Variants in RASSF3 observed in about 807,000 individuals in gnomAD.
The protein encoded by RASSF3 is Ras association domain family member 3.
RASSF3 carries 19 observed loss-of-function variants against 19.9 expected under a neutral mutation model. The ratio of observed to expected loss-of-function variants is 0.96; its 90% CI spans 0.67 to 1.40. The LOEUF (loss-of-function observed/expected upper bound fraction) is 1.40. RASSF3 is among the 40% of genes most tolerant of loss of function. The pLI is 0.00. For missense variants in RASSF3, 306 were observed against 289.8 expected (o/e 1.06, Z -0.41); for synonymous variants, 110 against 104.2 (o/e 1.06, Z -0.34).
downstream of RASSF3, among the ~76,000 whole-genome samples, chr12:64,546,060 C>T (rs979347728): frequency 2.9e-4 from 38 of 131,598 alleles, no homozygotes; most frequent in Middle Eastern, 4.0e-3. Context: ...TACGCCAATG[C>T]GCTCCAGCCT....
At chr12:64,631,770 A>T (rs1166714871) in intron 1 of RASSF3, among the ~76,000 whole-genome samples, 1 of 151,990 alleles carries the variant, frequency 6.6e-6, no homozygotes, top group Admixed American at 6.6e-5. Flanking sequence ...GAGTTTTGCC[A>T]TGTTGGCCAG....
In RASSF3 at chr12:64,610,726, C is replaced by T. The variant is rs1333168530; in HGVS notation, c.94C>T (p.Pro32Ser). Reference protein sequence around the residue: ...SFFRRAPQGKPRSGQQDVEKE... With the variant: ...SFFRRAPQGKSRSGQQDVEKE... ...CTTCAGGAGAGCGCCCCAGGGCAAGCCCCGCTCCGGCCAACAAGTGAGTGG... is the reference window on the plus strand; with the variant it reads ...CTTCAGGAGAGCGCCCCAGGGCAAGTCCCGCTCCGGCCAACAAGTGAGTGG... Residue 32 changes from proline to serine, a missense_variant, in exon 1 of 5, where the codon CCC becomes TCC. Physicochemically the swap from Pro to Ser is moderately conservative, Grantham distance 74. Transcript: ENST00000542104. The T allele has an allele frequency of 2.5e-6, 4 of 1,589,340 alleles. No individual in the cohort carries two copies. In the South Asian group the frequency reaches 3.4e-5, roughly 13 times the overall value.
intron 1 of RASSF3, among the ~76,000 whole-genome samples, chr12:64,516,589 A>C (rs923932768): frequency 2.7e-5 from 4 of 147,432 alleles, no homozygotes; most frequent in African/African-American, 7.6e-5. Context: ...ACTGCACTCC[A>C]GCCTGGGCGA....
At chr12:64,542,274 G>C (rs1259775838), downstream of RASSF3, among the ~76,000 whole-genome samples, 3 of 152,192 alleles carry the variant, frequency 2.0e-5, no homozygotes, top group Non-Finnish European at 2.9e-5. Context: ...GTTGCATTAA[G>C]CTGAGATTCT....
chr12:64,649,650 A>T (rs998643857), intron 1 of RASSF3, among the ~76,000 whole-genome samples: 1 of 152,222 alleles, frequency 6.6e-6, no homozygotes, highest in Non-Finnish European at 1.5e-5. Flanking sequence ...TGCCGTCTCG[A>T]TAGCCAAGTT....
intron 1 of RASSF3, among the ~76,000 whole-genome samples, chr12:64,670,501 G>A (rs1872665501): frequency 6.6e-6 from 1 of 150,652 alleles, no homozygotes; most frequent in Admixed American, 6.6e-5. Flanking sequence ...TCACCAATCA[G>A]GCAGAAACTA....
intron 2 of RASSF3, among the ~76,000 whole-genome samples, chr12:64,604,967 T>A (rs955875861): frequency 2.0e-5 from 3 of 151,000 alleles, no homozygotes; most frequent in Non-Finnish European, 4.4e-5. Flanking sequence ...CATATATTTT[T>A]TTTTTAATTT....
chr12:64,574,693 A>G (rs1030131171), intron 2 of RASSF3, among the ~76,000 whole-genome samples: 6 of 152,238 alleles, frequency 3.9e-5, no homozygotes, highest in African/African-American at 1.4e-4. Context: ...AAGATATGAA[A>G]TGCGTAGAAC....
chr12:64,672,001 G>A (rs1439271584), intron 1 of RASSF3, among the ~76,000 whole-genome samples: 1 of 152,148 alleles, frequency 6.6e-6, no homozygotes, highest in Admixed American at 6.5e-5. Flanking sequence ...ACATAAAATA[G>A]TTTAACCCCC....
At chr12:64,656,514 C>T (rs1331894143) in intron 1 of RASSF3, among the ~76,000 whole-genome samples, 5 of 152,184 alleles carry the variant, frequency 3.3e-5, no homozygotes. Context: ...TTGTGATTCT[C>T]TACCTTTTTC....
chr12:64,664,298 A>T (rs192594257), intron 1 of RASSF3, among the ~76,000 whole-genome samples: 110 of 152,282 alleles, frequency 7.2e-4, no homozygotes, highest in African/African-American at 2.5e-3. Flanking sequence ...AACAAAGCTT[A>T]AAAAAATGCT....
At chr12:64,685,794 G>A (rs181024921) in intron 2 of RASSF3, among the ~76,000 whole-genome samples, 28 of 152,306 alleles carry the variant, frequency 1.8e-4, no homozygotes, top group Admixed American at 1.6e-3. Context: ...AGCTGACAGC[G>A]GAGCTAGAGT....
intron 1 of RASSF3, among the ~76,000 whole-genome samples, chr12:64,610,993 T>A (rs1006661006): frequency 1.3e-5 from 2 of 152,108 alleles, no homozygotes; most frequent in Non-Finnish European, 2.9e-5. Flanking sequence ...CCGCGCCAGA[T>A]GGCCTCTGCA....
At chr12:64,577,708 G>A (rs889602210) in intron 2 of RASSF3, among the ~76,000 whole-genome samples, 1 of 152,012 alleles carries the variant, frequency 6.6e-6, no homozygotes, top group African/African-American at 2.4e-5. Context: ...CTTCAGCCTG[G>A]GTAACAGAGC....
intron 1 of RASSF3, among the ~76,000 whole-genome samples, chr12:64,662,255 C>T (rs80052163): frequency 2.4e-4 from 34 of 140,974 alleles, no homozygotes; most frequent in African/African-American, 8.7e-4. Context: ...CCCGTATCTA[C>T]AAAAAAAAAA....
At chr12:64,554,682 C>T (rs1462144026) in intron 2 of RASSF3, among the ~76,000 whole-genome samples, 1 of 152,076 alleles carries the variant, frequency 6.6e-6, no homozygotes, top group East Asian at 1.9e-4. Flanking sequence ...AATTTTGCTC[C>T]CAAGGGGAAC....
intron 1 of RASSF3, among the ~76,000 whole-genome samples, chr12:64,684,427 G>GTTTTTTTT (rs1188238001): frequency 6.8e-5 from 4 of 59,052 alleles, no homozygotes; most frequent in African/African-American, 2.6e-4. Flanking sequence ...CTGTTTGTTT[G>GTTTTTTTT]TTTGTTTGTT....
At chr12:64,543,637 GGGCGCAC>G (rs1460739327), downstream of RASSF3, among the ~76,000 whole-genome samples, 1 of 147,092 alleles carries the variant, frequency 6.8e-6, no homozygotes, top group Non-Finnish European at 1.5e-5. Flanking sequence ...TGAGGAGTGC[GGGCGCAC>G]GGCGCGGGAC....
chr12:64,621,582 A>T lies in RASSF3; in HGVS notation c.111+10839A>T, dbSNP rs543408811. Reference sequence around the variant, plus strand: ...AACCTCCGCCTCCCAGGTTCAAGTGATTCTCCTGCTTCATCCTCCCAAGTA... The same window carrying T: ...AACCTCCGCCTCCCAGGTTCAAGTGTTTCTCCTGCTTCATCCTCCCAAGTA... On this transcript the variant is annotated intron_variant, in intron 1 of 4. Transcript: ENST00000542104. Among the ~76,000 whole-genome samples, 694 of 152,242 alleles carry T rather than the reference A, an allele frequency of 4.6e-3. 4 individuals are homozygous for T. The highest frequency in any genetic ancestry group is 8.0e-3 in the Non-Finnish European group (546 of 68,000).
Sources: allele counts gnomAD v4.1 joint callset (sites outside exome capture counted in the v4.1 genomes callset), GRCh38; gene constraint gnomAD v4.1.1; transcripts MANE v1.5; gene names NCBI Gene and HGNC (gene_info 2026-07-23, HGNC 2026-07-21).